DLGAP2: variants seen among roughly 807,000 people sequenced by gnomAD.
DLGAP2 encodes DLG associated protein 2, also known as disks large-associated protein 2.
A neutral mutation model predicts 100.3 loss-of-function variants in DLGAP2; 26 were observed. The ratio of observed to expected loss-of-function variants is 0.26; its 90% CI spans 0.19 to 0.36. The LOEUF (loss-of-function observed/expected upper bound fraction) is 0.36. Among genes scored for constraint, DLGAP2 ranks in the 10% least tolerant of loss-of-function variants. The pLI is 1.00. For synonymous variants in DLGAP2, 886 were observed against 630.1 expected (o/e 1.41, Z -6.08); for missense variants, 1,858 against 1,453.2 (o/e 1.28, Z -4.53).
intron 3 of DLGAP2, among the ~76,000 whole-genome samples, chr8:1,288,245 G>A (rs1318422551): frequency 4.2e-4 from 60 of 142,186 alleles, no homozygotes; most frequent in Non-Finnish European, 2.3e-4. Context: ...TTTCGTTTCA[G>A]TGTGTGTGTG....
At chr8:1,241,339 G>GTCTCACATGGCGCCGTGTCTAGTTC (rs1386191875) in intron 2 of DLGAP2, among the ~76,000 whole-genome samples, 3 of 88,384 alleles carry the variant, frequency 3.4e-5, no homozygotes, top group African/African-American at 8.1e-5. Flanking sequence ...GTGTCTAGTT[G>GTCTCACATGGCGCCGTGTCTAGTTC]TCTCACATGG....
intron 6 of DLGAP2, among the ~76,000 whole-genome samples, chr8:1,599,488 G>C (rs1243435331): frequency 6.6e-6 from 1 of 152,146 alleles, no homozygotes; most frequent in East Asian, 1.9e-4. Flanking sequence ...TATTGTATGG[G>C]AGTCTAAGTC....
intron 3 of DLGAP2, among the ~76,000 whole-genome samples, chr8:1,272,829 C>T (rs1245624505): frequency 6.6e-6 from 1 of 152,108 alleles, no homozygotes; most frequent in African/African-American, 2.4e-5. Context: ...GCCTGCAAGT[C>T]CCTGTCACTG....
intron 3 of DLGAP2, among the ~76,000 whole-genome samples, chr8:1,337,040 C>T (rs1193054997): frequency 6.6e-6 from 1 of 152,032 alleles, no homozygotes; most frequent in Non-Finnish European, 1.5e-5. Context: ...GTGATCAGTA[C>T]ATAGTAACCA....
At chr8:1,469,840 GC>G (rs1205875454) in intron 3 of DLGAP2, among the ~76,000 whole-genome samples, 1 of 152,070 alleles carries the variant, frequency 6.6e-6, no homozygotes, top group Non-Finnish European at 1.5e-5. Context: ...TCCAGGAGAT[GC>G]ACAAAATACA....
chr8:1,364,333 A>G (rs113052795), intron 3 of DLGAP2, among the ~76,000 whole-genome samples: 194 of 152,264 alleles, frequency 1.3e-3, no homozygotes, highest in African/African-American at 4.4e-3. Flanking sequence ...ACCCAGACTC[A>G]GAATAGGATC....
intron 1 of DLGAP2, among the ~76,000 whole-genome samples, chr8:842,198 T>C (rs1472909825): frequency 1.3e-5 from 2 of 152,210 alleles, no homozygotes; most frequent in Non-Finnish European, 2.9e-5. Flanking sequence ...TCTCTAGTCC[T>C]TGTGGTTCTC....
At chr8:1,058,334 C>T (rs1322516271) in intron 2 of DLGAP2, among the ~76,000 whole-genome samples, 2 of 152,210 alleles carry the variant, frequency 1.3e-5, no homozygotes, top group African/African-American at 4.8e-5. Context: ...TCTGTAGGAA[C>T]CCAGCACCTG....
rs967977624 is a variant in DLGAP2, at chr8:1,478,579, C to A, written c.107-22787C>A. ...CAATGGTCAAACCAACAGAATAGAT[C>A]TGGTCCGGGACGCGGCACCTGGATG... On this transcript the variant is annotated intron_variant, in intron 3 of 14. Transcript: ENST00000637795. Among the ~76,000 whole-genome samples, 5 of 152,176 alleles carry A rather than the reference C, an allele frequency of 3.3e-5. No individual in the cohort carries two copies. In the South Asian group the frequency reaches 1.0e-3, roughly 32 times the overall value.
chr8:1,456,122 G>A (rs554136008), intron 3 of DLGAP2, among the ~76,000 whole-genome samples: 2 of 152,144 alleles, frequency 1.3e-5, no homozygotes, highest in African/African-American at 2.4e-5. Context: ...CCCATGTCGC[G>A]TTGAACTCAG....
intron 5 of DLGAP2, among the ~76,000 whole-genome samples, chr8:1,558,987 A>G (rs1802069932): frequency 6.6e-6 from 1 of 152,230 alleles, no homozygotes; most frequent in Non-Finnish European, 1.5e-5. Context: ...CCAAGAGAAT[A>G]TGATGATATA....
intron 1 of DLGAP2, among the ~76,000 whole-genome samples, chr8:897,109 G>C (rs957146377): frequency 7.9e-5 from 12 of 152,140 alleles, no homozygotes; most frequent in Admixed American, 7.9e-4. Context: ...CTTGGAGTGG[G>C]GGTTCAGCAG....
At chr8:1,277,493 G>C (rs142094463) in intron 3 of DLGAP2, among the ~76,000 whole-genome samples, 491 of 152,220 alleles carry the variant, frequency 3.2e-3, no homozygotes, top group African/African-American at 0.011. Context: ...ATTTTACCAG[G>C]AGTCAGGAGA....
chr8:1,629,627 TTTC>T (rs141213522), intron 7 of DLGAP2, among the ~76,000 whole-genome samples: 70 of 152,384 alleles, frequency 4.6e-4, no homozygotes, highest in African/African-American at 1.7e-3. Context: ...TACAGCAGAC[TTTC>T]TTCTTTTAAA....
chr8:1,043,896 G>C (rs116201739), intron 2 of DLGAP2, among the ~76,000 whole-genome samples: 2 of 152,082 alleles, frequency 1.3e-5, no homozygotes, highest in African/African-American at 4.8e-5. Flanking sequence ...GCTCCAGGAA[G>C]GCAGGTGTGG....
intron 2 of DLGAP2, among the ~76,000 whole-genome samples, chr8:1,072,450 T>C (rs546469110): frequency 2.6e-5 from 4 of 152,332 alleles, no homozygotes; most frequent in East Asian, 3.9e-4. Flanking sequence ...AAGAATGTTC[T>C]TGGAGACTTG....
chr8:1,671,443 C>A (rs916302626), intron 10 of DLGAP2, among the ~76,000 whole-genome samples: 1 of 152,210 alleles, frequency 6.6e-6, no homozygotes, highest in Non-Finnish European at 1.5e-5. Flanking sequence ...TGAACAGCGT[C>A]CACGTCACTG....
chr8:1,079,500 T>G (rs2123055), intron 2 of DLGAP2, among the ~76,000 whole-genome samples: 48,934 of 152,086 alleles, frequency 0.32, 7,974 homozygotes, highest in Middle Eastern at 0.37. Flanking sequence ...AGATGGTATC[T>G]TAAGAGCTCA....
At chr8:973,779 G>A (rs1800086229) in intron 2 of DLGAP2, among the ~76,000 whole-genome samples, 2 of 151,984 alleles carry the variant, frequency 1.3e-5, no homozygotes, top group Non-Finnish European at 2.9e-5. Flanking sequence ...GCTGAGCGGA[G>A]GCGAATCCGG....
Sources: gnomAD v4.1 joint callset for allele counts (sites outside exome capture counted in the v4.1 genomes callset) on GRCh38, gnomAD v4.1.1 for gene constraint, MANE v1.5 for transcripts, NCBI Gene and HGNC (gene_info 2026-07-23, HGNC 2026-07-21) for gene names.